Variants in CYRIA observed in about 807,000 individuals in gnomAD.
CYRIA encodes CYFIP related Rac1 interactor A, also known as CYFIP-related Rac1 interactor A.
A neutral mutation model predicts 43.9 loss-of-function variants in CYRIA; 15 were observed. That is an observed-to-expected ratio of 0.34 (90% confidence interval 0.23 to 0.53). The LOEUF is 0.53. CYRIA is among the 20% of genes least tolerant of loss of function. The probability of loss-of-function intolerance (pLI) is 0.94; values close to 1 mark genes in which losing one functional copy is unlikely to be tolerated. For synonymous variants in CYRIA, 117 were observed against 136.0 expected (o/e 0.86, Z 0.97); for missense variants, 236 against 394.2 (o/e 0.60, Z 3.40).
At chr2:16,618,258 C>T (rs1013331688) in intron 2 of CYRIA, among the ~76,000 whole-genome samples, 3 of 152,202 alleles carry the variant, frequency 2.0e-5, no homozygotes, top group African/African-American at 4.8e-5. Context: ...GCCCCTTTCT[C>T]TCTTCACTCC....
At chr2:16,619,480 A>G (rs1668924647) in intron 2 of CYRIA, among the ~76,000 whole-genome samples, 1 of 152,162 alleles carries the variant, frequency 6.6e-6, no homozygotes, top group Non-Finnish European at 1.5e-5. Flanking sequence ...TACAGTTTTC[A>G]CTTAGAAGAA....
rs116639893 is a variant in CYRIA at position 16,646,068 on chromosome 2, G to C, written c.-167+19712C>G. 6.5e-3 allele frequency among the ~76,000 whole-genome samples: 988 copies of C among 152,330 alleles called. 7 individuals carry two copies. Among genetic ancestry groups the C allele is most frequent in the African/African-American group, 0.022 (909 of 41,560 alleles). ...AGTATGACCAGAACTGCACAGGCAG[G>C]TCCCAGGAGAAAAGGAGGTGGCTCT... is the stretch of plus-strand genomic sequence containing the variant. On this transcript the variant is annotated intron_variant, in intron 1 of 11. Coordinates refer to ENST00000381323, the MANE Select transcript of CYRIA (RefSeq NM_030797.4).
intron 2 of CYRIA, among the ~76,000 whole-genome samples, chr2:16,614,347 T>C (rs900244506): frequency 6.6e-6 from 1 of 152,230 alleles, no homozygotes; most frequent in Admixed American, 6.5e-5. Context: ...TTTAGATTGA[T>C]AAGCCAAGAC....
chr2:16,567,675 G>A (rs1245459877), intron 3 of CYRIA, among the ~76,000 whole-genome samples: 13 of 152,098 alleles, frequency 8.5e-5, no homozygotes, highest in Admixed American at 8.5e-4. Flanking sequence ...GAAATGAAGA[G>A]TGAAAATCAT....
intron 2 of CYRIA, among the ~76,000 whole-genome samples, chr2:16,623,344 A>T (rs1229559897): frequency 6.6e-6 from 1 of 152,242 alleles, no homozygotes; most frequent in African/African-American, 2.4e-5. Flanking sequence ...ATAAGCAGAC[A>T]GAGACATTGC....
Position 16,553,036 on chromosome 2 carries a change from CAG to C in CYRIA, c.909-39_909-38del, listed in dbSNP as rs781128503. The C allele has an allele frequency of 3.2e-4, 423 of 1,307,930 alleles. 1 individual carries two copies. The highest frequency in any genetic ancestry group is 3.6e-4 in the Non-Finnish European group (325 of 899,630). 81.0% of individuals were successfully genotyped at this position (1,307,930 alleles called of 1,614,324 possible). On this transcript the variant is annotated intron_variant, in intron 11 of 11. Coordinates refer to ENST00000381323, the MANE Select transcript of CYRIA (RefSeq NM_030797.4). ...GAGAATGGTAGAGGTTAGCGGCAAA[CAG>C]TGCTCTGTGTAAGCTTCAGCCCATC...
chr2:16,651,701 A>G (rs1669980190), intron 1 of CYRIA, among the ~76,000 whole-genome samples: 1 of 152,252 alleles, frequency 6.6e-6, no homozygotes, highest in Non-Finnish European at 1.5e-5. Context: ...ATGAAGACCC[A>G]GGGAGGCTGT....
At chr2:16,656,094 T>C (rs1021597450) in intron 1 of CYRIA, among the ~76,000 whole-genome samples, 8 of 152,180 alleles carry the variant, frequency 5.3e-5, no homozygotes, top group African/African-American at 1.4e-4. Flanking sequence ...AGAGAGTGCC[T>C]GGCAGATTCC....
intron 1 of CYRIA, among the ~76,000 whole-genome samples, chr2:16,655,641 C>T (rs924537831): frequency 6.6e-5 from 10 of 152,328 alleles, no homozygotes; most frequent in African/African-American, 2.4e-4. Context: ...GCAACTGGAG[C>T]ACGGCCTGAT....
intron 3 of CYRIA, among the ~76,000 whole-genome samples, chr2:16,571,010 C>A (rs898407223): frequency 3.9e-5 from 6 of 152,086 alleles, no homozygotes; most frequent in African/African-American, 1.4e-4. Flanking sequence ...CCAATACTTC[C>A]AGGAGCCCTG....
chr2:16,611,560 G>A (rs1185824595), intron 2 of CYRIA, among the ~76,000 whole-genome samples: 1 of 152,144 alleles, frequency 6.6e-6, no homozygotes, highest in African/African-American at 2.4e-5. Context: ...CAAAGTGTTT[G>A]GGGAAAGGAG....
intron 4 of CYRIA, 65 bp downstream of exon 4, chr2:16,565,581 G>T: frequency 4.8e-6 from 7 of 1,463,666 alleles, no homozygotes; most frequent in Non-Finnish European, 6.4e-6. Flanking sequence ...GTGTGTGTCT[G>T]TGTGCATGTG....
At chr2:16,599,664 A>G (rs1668131992) in intron 2 of CYRIA, among the ~76,000 whole-genome samples, 2 of 149,934 alleles carry the variant, frequency 1.3e-5, no homozygotes, top group African/African-American at 4.9e-5. Flanking sequence ...CCGGTACCTC[A>G]GATGGAAATG....
chr2:16,559,846 A>G (rs1205069016), intron 9 of CYRIA, among the ~76,000 whole-genome samples: 1 of 152,166 alleles, frequency 6.6e-6, no homozygotes, highest in Admixed American at 6.6e-5. Flanking sequence ...GGGCTAGCTC[A>G]TCATGTACCT....
chr2:16,627,518 T>C (rs137994738), intron 1 of CYRIA, among the ~76,000 whole-genome samples: 180 of 152,362 alleles, frequency 1.2e-3, no homozygotes, highest in African/African-American at 4.2e-3. Context: ...TAGGTAGGCA[T>C]TATTATTGTC....
chr2:16,641,609 C>A (rs1669679554), intron 1 of CYRIA, among the ~76,000 whole-genome samples: 1 of 152,204 alleles, frequency 6.6e-6, no homozygotes, highest in African/African-American at 2.4e-5. Context: ...GGCTGTAAGA[C>A]ATCTGAGGGT....
chr2:16,631,326 CA>C (rs1449401519), intron 1 of CYRIA, among the ~76,000 whole-genome samples: 18 of 152,352 alleles, frequency 1.2e-4, no homozygotes, highest in African/African-American at 4.1e-4. Flanking sequence ...TTGTAAACTT[CA>C]GCTTCTCTGA....
At chr2:16,623,458 T>A (rs1022294020) in intron 2 of CYRIA, among the ~76,000 whole-genome samples, 10 of 152,192 alleles carry the variant, frequency 6.6e-5, no homozygotes, top group Admixed American at 3.3e-4. Context: ...TCTAAAGATG[T>A]TGTAGCAGGT....
chr2:16,576,913 AC>A (rs1184517201), intron 3 of CYRIA, among the ~76,000 whole-genome samples: 2 of 152,218 alleles, frequency 1.3e-5, no homozygotes, highest in African/African-American at 4.8e-5. Context: ...TAAACAAGTA[AC>A]AGCAAAACAC....
Sources: gnomAD v4.1 joint callset for allele counts (sites outside exome capture counted in the v4.1 genomes callset) on GRCh38, gnomAD v4.1.1 for gene constraint, MANE v1.5 for transcripts, NCBI Gene and HGNC (gene_info 2026-07-23, HGNC 2026-07-21) for gene names.